The following PITPNM2 variants were observed in gnomAD, a reference collection of about 807,000 sequenced individuals.
PITPNM2 encodes the protein phosphatidylinositol transfer protein membrane associated 2.
Under a neutral mutation model 132.2 loss-of-function variants are expected in PITPNM2, and 35 were observed. The ratio of observed to expected loss-of-function variants is 0.26; its 90% confidence interval spans 0.20 to 0.35. The LOEUF is 0.35. Ranked by LOEUF, PITPNM2 falls within the 10% of genes least tolerant of loss-of-function variation. PITPNM2 has a pLI of 1.00. For missense variants in PITPNM2, 1,332 were observed against 1,912.0 expected (o/e 0.70, Z 5.66); for synonymous variants, 738 against 799.2 (o/e 0.92, Z 1.29).
chr12:123,054,008 T>C (rs1393386648), intron 2 of PITPNM2, among the ~76,000 whole-genome samples: 3 of 152,234 alleles, frequency 2.0e-5, no homozygotes, highest in Non-Finnish European at 4.4e-5. Flanking sequence ...TAGGTTTGTG[T>C]GTATAATAAA....
Position 123,009,783 on chromosome 12 carries a change from G to T in PITPNM2, c.643+67C>A. 1 of 1,413,306 alleles carries T rather than the reference G, an allele frequency of 7.1e-7. No individual in the cohort carries two copies. Among genetic ancestry groups the T allele is most frequent in the Non-Finnish European group, 1.0e-6 (1 of 1,001,244 alleles). 87.5% of individuals were successfully genotyped at this position (1,413,306 alleles called of 1,614,324 possible). On this transcript the variant is annotated intron_variant, in intron 6 of 25. Coordinates refer to ENST00000320201, the MANE Select transcript of PITPNM2 (RefSeq NM_020845.3). This position sits in a 1 kb window ranked among gnomAD's most constrained non-coding sequence, Gnocchi z 4.8. ...GACATGCAAAGAGAGGAGGCAGACA[G>T]GCAGGTGACAGGAGACAGAGGGGTT...
intron 2 of PITPNM2, among the ~76,000 whole-genome samples, chr12:123,060,842 T>A (rs1188368582): frequency 2.6e-5 from 4 of 152,038 alleles, no homozygotes; most frequent in Non-Finnish European, 5.9e-5. Context: ...GTCACAAACC[T>A]CAGAAACTGA....
At chr12:123,119,483 A>G (rs1215962075) in intron 1 of PITPNM2, among the ~76,000 whole-genome samples, 1 of 150,386 alleles carries the variant, frequency 6.6e-6, no homozygotes, top group African/African-American at 2.5e-5. Flanking sequence ...TCAGCCTCCC[A>G]AATAGCTGGG....
At chr12:123,029,708 G>A (rs924556517) in intron 3 of PITPNM2, among the ~76,000 whole-genome samples, 1 of 151,568 alleles carries the variant, frequency 6.6e-6, no homozygotes, top group African/African-American at 2.4e-5. Flanking sequence ...CATGTTGTGT[G>A]TGCATGCATG....
At chr12:123,093,311 T>C (rs1182396934) in intron 2 of PITPNM2, among the ~76,000 whole-genome samples, 1 of 152,162 alleles carries the variant, frequency 6.6e-6, no homozygotes, top group African/African-American at 2.4e-5. Flanking sequence ...TTTTACACAT[T>C]GTAAGAGAAT....
Position 123,008,188 on chromosome 12 carries a change from G to C in PITPNM2, c.643+1662C>G, listed in dbSNP as rs1326134995. ...GCCACAAGCTCCTGCTTTCTGAGGG[G>C]AGAACTGACTTTCAGGGAGCTGGGG... On this transcript the variant is annotated intron_variant, in intron 6 of 25. Transcript: ENST00000320201. The surrounding 1 kb of genome is among the most constrained non-coding windows in gnomAD (Gnocchi z 4.1). 1.3e-5 allele frequency among the ~76,000 whole-genome samples: 2 copies of C among 152,222 alleles called. No individual in the cohort carries two copies. The highest frequency in any genetic ancestry group is 2.9e-5 in the Non-Finnish European group (2 of 68,036).
Position 123,095,680 on chromosome 12 carries a change from T to A in PITPNM2, c.-96+14705A>T, listed in dbSNP as rs2042390722. Among the ~76,000 whole-genome samples, 1 of 152,176 alleles carries A rather than the reference T, an allele frequency of 6.6e-6. No individual in the cohort carries two copies. Among genetic ancestry groups the A allele is most frequent in the Admixed American group, 6.5e-5 (1 of 15,282 alleles). On this transcript the variant is annotated intron_variant, in intron 2 of 25. Transcript: ENST00000320201. This position sits in a 1 kb window ranked among gnomAD's most constrained non-coding sequence, Gnocchi z 5.0. The stretch of plus-strand genomic sequence containing the variant: ...ACGAGGCCCCCAACCTGGTCCTCCC[T>A]GCAGCTCAGCCCCAGCCAGACTCTC...
At chr12:123,012,249 C>A (rs567995133) in intron 5 of PITPNM2, among the ~76,000 whole-genome samples, 1 of 152,322 alleles carries the variant, frequency 6.6e-6, no homozygotes, top group Non-Finnish European at 1.5e-5. Flanking sequence ...GGGTAGGGCA[C>A]CCACCATCAA....
chr12:123,074,101 A>T (rs553913277), intron 2 of PITPNM2, among the ~76,000 whole-genome samples: 33 of 152,360 alleles, frequency 2.2e-4, no homozygotes, highest in African/African-American at 7.7e-4. Flanking sequence ...CGAAGGAGTG[A>T]AAGAGCCAAG....
chr12:123,054,475 T>C (rs898608472), intron 2 of PITPNM2, among the ~76,000 whole-genome samples: 3 of 152,202 alleles, frequency 2.0e-5, no homozygotes, highest in African/African-American at 7.2e-5. Context: ...TTTTTTAAAC[T>C]TGGGGTCAAA....
chr12:123,049,724 G>T (rs2040795263), intron 2 of PITPNM2, among the ~76,000 whole-genome samples: 1 of 152,222 alleles, frequency 6.6e-6, no homozygotes, highest in South Asian at 2.1e-4. Flanking sequence ...CAGGTGACAG[G>T]AGGGCAGGGA....
chr12:123,072,814 C>G (rs973714395), intron 2 of PITPNM2, among the ~76,000 whole-genome samples: 1 of 152,258 alleles, frequency 6.6e-6, no homozygotes, highest in African/African-American at 2.4e-5. Flanking sequence ...AGCACCCAGT[C>G]AGGAAACCAT....
chr12:123,013,724 C>A (rs953435009), intron 4 of PITPNM2, 104 bp downstream of exon 4: 69 of 1,310,676 alleles, frequency 5.3e-5, no homozygotes, highest in Middle Eastern at 2.5e-4. Context: ...GGTTGTTGAA[C>A]CTGCTTGAAG....
In PITPNM2 at chr12:123,099,592, C is replaced by T. The variant is rs2042503453; in HGVS notation, c.-96+10793G>A. Among the ~76,000 whole-genome samples the T allele has an allele frequency of 6.6e-6, 1 of 152,184 alleles. No homozygotes were observed. Among genetic ancestry groups the T allele is most frequent in the African/African-American group, 2.4e-5 (1 of 41,434 alleles). The stretch of plus-strand genomic sequence containing the variant: ...AGCAGGAGCCCAGTGCAGAGGAAAA[C>T]TAGGCATGTAGCTAAGGGCTGGGTT... On this transcript the variant is annotated intron_variant, in intron 2 of 25. Coordinates refer to ENST00000320201, the MANE Select transcript of PITPNM2 (RefSeq NM_020845.3). The surrounding 1 kb of genome is among the most constrained non-coding windows in gnomAD (Gnocchi z 4.2).
At chr12:123,061,646 G>A (rs551704972) in intron 2 of PITPNM2, among the ~76,000 whole-genome samples, 14 of 152,320 alleles carry the variant, frequency 9.2e-5, no homozygotes, top group African/African-American at 3.1e-4. Flanking sequence ...AAGATGATGC[G>A]TCTCACAGGA....
intron 1 of PITPNM2, among the ~76,000 whole-genome samples, chr12:123,115,397 T>A (rs1035740665): frequency 6.6e-6 from 1 of 152,024 alleles, no homozygotes. Context: ...TTAGGAGCGA[T>A]TTTTCTCTCT....
intron 3 of PITPNM2, among the ~76,000 whole-genome samples, chr12:123,020,556 C>T (rs146890332): frequency 1.5e-3 from 234 of 152,308 alleles, no homozygotes; most frequent in African/African-American, 5.1e-3. Flanking sequence ...TGGGCAGCTG[C>T]CCACAGGGGT....
rs2042709597 is a variant in PITPNM2 at position 123,106,353 on chromosome 12, A to G, written c.-96+4032T>C. Reference sequence around the variant, plus strand: ...CAGTGAGCCATGATCACACCACTGCACTCCAGCCTGGGTGGCAGAGCAAGA... The same window carrying G: ...CAGTGAGCCATGATCACACCACTGCGCTCCAGCCTGGGTGGCAGAGCAAGA... On this transcript the variant is annotated intron_variant, in intron 2 of 25. Coordinates refer to ENST00000320201, the MANE Select transcript of PITPNM2 (RefSeq NM_020845.3). The surrounding 1 kb of genome is among the most constrained non-coding windows in gnomAD (Gnocchi z 4.4). Among the ~76,000 whole-genome samples, 2 of 151,976 alleles carry G rather than the reference A, an allele frequency of 1.3e-5. No individual in the cohort carries two copies. The highest frequency in any genetic ancestry group is 4.8e-5 in the African/African-American group (2 of 41,424).
At chr12:123,065,491 G>A (rs2041382529) in intron 2 of PITPNM2, among the ~76,000 whole-genome samples, 1 of 152,210 alleles carries the variant, frequency 6.6e-6, no homozygotes, top group South Asian at 2.1e-4. Context: ...AACCATTTAT[G>A]GGGCATTTCC....
Sources: allele counts gnomAD v4.1 joint callset (sites outside exome capture counted in the v4.1 genomes callset), GRCh38; gene constraint gnomAD v4.1.1; non-coding constraint Gnocchi (gnomAD v3.1); transcripts MANE v1.5; gene names NCBI Gene and HGNC (gene_info 2026-07-23, HGNC 2026-07-21).